Variants in NDRG3 observed in about 807,000 individuals in gnomAD.
NDRG3 encodes NDRG family member 3, also known as protein NDRG3.
NDRG3 carries 23 observed loss-of-function variants against 57.2 expected under a neutral mutation model. That is an observed-to-expected ratio of 0.40 (90% CI 0.29 to 0.57). The LOEUF (loss-of-function observed/expected upper bound fraction) is 0.57, where lower values mean the gene tolerates loss of function less well. NDRG3 is among the 20% of genes least tolerant of loss of function. The probability of loss-of-function intolerance (pLI) is 0.42; values close to 1 mark genes in which losing one functional copy is unlikely to be tolerated. For synonymous variants in NDRG3, 132 were observed against 162.6 expected (o/e 0.81, Z 1.43); for missense variants, 384 against 457.3 (o/e 0.84, Z 1.46).
At chr20:36,676,743 G>GT (rs1407262182) in intron 8 of NDRG3, among the ~76,000 whole-genome samples, 1 of 152,276 alleles carries the variant, frequency 6.6e-6, no homozygotes, top group Non-Finnish European at 1.5e-5. Flanking sequence ...GATAATGGGC[G>GT]TAAGCCACGT....
chr20:36,720,059 A>G (rs1168668947), intron 2 of NDRG3, among the ~76,000 whole-genome samples: 1 of 149,774 alleles, frequency 6.7e-6, no homozygotes, highest in African/African-American at 2.4e-5. Context: ...GTGAGCCGAG[A>G]TTGTACCACT....
chr20:36,712,587 A>ATTTATTTT (rs1983984630), intron 2 of NDRG3, among the ~76,000 whole-genome samples: 1 of 5,912 alleles, frequency 1.7e-4, no homozygotes. Flanking sequence ...ATATATATAT[A>ATTTATTTT]TTTTTTTTTT....
At chr20:36,684,990 C>T (rs770799519) in intron 5 of NDRG3, among the ~76,000 whole-genome samples, 4 of 152,122 alleles carry the variant, frequency 2.6e-5, no homozygotes, top group Non-Finnish European at 5.9e-5. Flanking sequence ...AAATAATCCA[C>T]GGTTTCTATA....
chr20:36,676,804 G>A (rs191171153), intron 8 of NDRG3, among the ~76,000 whole-genome samples: 1 of 152,370 alleles, frequency 6.6e-6, no homozygotes, highest in East Asian at 1.9e-4. Context: ...GAATGCAAGT[G>A]ATGGCAGTGG....
intron 1 of NDRG3, among the ~76,000 whole-genome samples, chr20:36,728,772 C>T (rs1224738472): frequency 2.6e-5 from 4 of 151,886 alleles, no homozygotes; most frequent in Non-Finnish European, 5.9e-5. Flanking sequence ...GTCGCCCAGG[C>T]TGGAGTGCAG....
chr20:36,684,840 A>G (rs1600895231), intron 5 of NDRG3, among the ~76,000 whole-genome samples: 1 of 147,682 alleles, frequency 6.8e-6, no homozygotes, highest in Non-Finnish European at 1.5e-5. Flanking sequence ...CAAGAGCAAA[A>G]CTCCGCCTCA....
chr20:36,671,646 C>CA (rs1568629948), intron 8 of NDRG3, among the ~76,000 whole-genome samples: 1 of 151,786 alleles, frequency 6.6e-6, no homozygotes, highest in East Asian at 1.9e-4. Flanking sequence ...ACTAAAAATA[C>CA]AAAAAATTAG....
At chr20:36,666,038 T>C (rs530126548) in intron 10 of NDRG3, among the ~76,000 whole-genome samples, 3 of 152,306 alleles carry the variant, frequency 2.0e-5, no homozygotes, top group South Asian at 2.1e-4. Context: ...GGCTCTGTTA[T>C]ACAGAGGAAA....
At chr20:36,669,644 C>T (rs1015924126) in intron 9 of NDRG3, among the ~76,000 whole-genome samples, 7 of 152,058 alleles carry the variant, frequency 4.6e-5, no homozygotes, top group African/African-American at 7.3e-5. Context: ...GGATTACAGG[C>T]GTGAGCCATG....
intron 8 of NDRG3, among the ~76,000 whole-genome samples, chr20:36,673,305 C>T (rs932563036): frequency 3.9e-5 from 6 of 152,122 alleles, no homozygotes; most frequent in Admixed American, 1.3e-4. Context: ...GATTTAGAAT[C>T]TAGTTTGCTG....
intron 12 of NDRG3, 55 bp from the exon 13 acceptor site, chr20:36,660,439 C>T (rs1001441318): frequency 2.1e-5 from 27 of 1,308,430 alleles, no homozygotes; most frequent in East Asian, 4.7e-5. Flanking sequence ...GGAAAAAAAA[C>T]GAAATAGCTC....
At chr20:36,697,947 A>C in intron 3 of NDRG3, among the ~76,000 whole-genome samples, 1 of 147,264 alleles carries the variant, frequency 6.8e-6, no homozygotes, top group Non-Finnish European at 1.5e-5. Flanking sequence ...ATAATTTGCG[A>C]GTTTTTTTCT....
chr20:36,740,994 G>A (rs1013598279), intron 1 of NDRG3, among the ~76,000 whole-genome samples: 1 of 151,964 alleles, frequency 6.6e-6, no homozygotes, highest in African/African-American at 2.4e-5. Context: ...AAGAAAGGTG[G>A]GGGGGGAATC....
chr20:36,726,289 C>A (rs149878657), intron 1 of NDRG3, among the ~76,000 whole-genome samples: 1 of 152,200 alleles, frequency 6.6e-6, no homozygotes, highest in African/African-American at 2.4e-5. Context: ...AACAAAGACA[C>A]AAATTAAATG....
intron 3 of NDRG3, among the ~76,000 whole-genome samples, chr20:36,701,748 A>G (rs946651555): frequency 6.6e-6 from 1 of 150,802 alleles, no homozygotes; most frequent in Non-Finnish European, 1.5e-5. Context: ...GGGTTACTCC[A>G]TGTTGGCCAG....
At chr20:36,680,114 G>A (rs927574574) in intron 8 of NDRG3, among the ~76,000 whole-genome samples, 1 of 150,978 alleles carries the variant, frequency 6.6e-6, no homozygotes, top group Non-Finnish European at 1.5e-5. Flanking sequence ...ATGAGCCACC[G>A]TGCCCAGTCC....
At chr20:36,726,105 T>A (rs906093835) in intron 1 of NDRG3, among the ~76,000 whole-genome samples, 6 of 152,130 alleles carry the variant, frequency 3.9e-5, no homozygotes, top group Non-Finnish European at 5.9e-5. Context: ...ACATTTTTTT[T>A]AGAGACAGGA....
chr20:36,733,172 ATATATATATAT>A (rs1181405694), intron 1 of NDRG3, among the ~76,000 whole-genome samples: 244 of 11,526 alleles, frequency 0.021, 5 homozygotes, highest in African/African-American at 0.051. Flanking sequence ...AAAAAAAAAA[ATATATATATAT>A]ATATATATAT....
At chr20:36,693,187 T>TAC (rs11470277) in intron 3 of NDRG3, among the ~76,000 whole-genome samples, 3,685 of 124,768 alleles carry the variant, frequency 0.03, 87 homozygotes, top group South Asian at 0.075. Context: ...CATATATATA[T>TAC]ACACACACAC....
Sources: gnomAD v4.1 joint callset for allele counts (sites outside exome capture counted in the v4.1 genomes callset) on GRCh38, gnomAD v4.1.1 for gene constraint, MANE v1.5 for transcripts, NCBI Gene and HGNC (gene_info 2026-07-23, HGNC 2026-07-21) for gene names.